GPR137B: variants seen among roughly 807,000 people sequenced by gnomAD.
GPR137B encodes G protein-coupled receptor 137B, also known as integral membrane protein GPR137B.
In GPR137B, 42 loss-of-function variants were observed where a neutral mutation model predicts 42.5. That is an observed-to-expected ratio of 0.99 (90% CI 0.77 to 1.28). GPR137B has a LOEUF of 1.28. Ranked by LOEUF, GPR137B falls within the 50% of genes most tolerant of loss-of-function variation. GPR137B has a pLI of 0.00. For synonymous variants in GPR137B, 218 were observed against 209.7 expected (o/e 1.04, Z -0.34); for missense variants, 487 against 493.9 (o/e 0.99, Z 0.13).
chr1:236,180,931 T>A (rs1028342543), intron 4 of GPR137B, among the ~76,000 whole-genome samples: 6 of 152,230 alleles, frequency 3.9e-5, no homozygotes, highest in African/African-American at 1.2e-4. Context: ...TTAATTTTTT[T>A]AACATGCTTC....
Position 236,155,074 on chromosome 1 carries a change from G to T in GPR137B, c.414+12038G>T, listed in dbSNP as rs923845892. 3.3e-5 allele frequency among the ~76,000 whole-genome samples: 5 copies of T among 152,234 alleles called. No homozygotes were observed. Among genetic ancestry groups the T allele is most frequent in the Non-Finnish European group, 7.3e-5 (5 of 68,046 alleles). The stretch of plus-strand genomic sequence containing the variant: ...CCCAAGGCCAAAGAGAGAGAATCCT[G>T]CCAGGGAGGCAGGTCAGAATTATTT... On this transcript the variant is annotated intron_variant, in intron 1 of 6. Coordinates refer to ENST00000366592, the MANE Select transcript of GPR137B (RefSeq NM_003272.4). The surrounding 1 kb of genome is among the most constrained non-coding windows in gnomAD (Gnocchi z 4.6).
At chr1:236,203,993 A>G (rs1252663195) in intron 5 of GPR137B, among the ~76,000 whole-genome samples, 4 of 152,188 alleles carry the variant, frequency 2.6e-5, no homozygotes, top group African/African-American at 9.6e-5. Context: ...TGTGTTCCAC[A>G]TCTTAGAGGA....
chr1:236,207,721 A>T, intron 6 of GPR137B, among the ~76,000 whole-genome samples: 1 of 152,242 alleles, frequency 6.6e-6, no homozygotes, highest in African/African-American at 2.4e-5. Flanking sequence ...ACTTGTCCAA[A>T]GACACCACCA....
At chr1:236,167,536 G>A (rs1469679764) in intron 1 of GPR137B, among the ~76,000 whole-genome samples, 1 of 152,172 alleles carries the variant, frequency 6.6e-6, no homozygotes, top group African/African-American at 2.4e-5. Flanking sequence ...GCAGGAGAAT[G>A]GAGAGATGTT....
rs76979168 is a variant in GPR137B, at chr1:236,161,540, C to T, written c.415-7166C>T. ...TTCTCACGCCTCCCACATCTCCACA[C>T]GCTTTTCACACCTCCTGTTATGGTT... On this transcript the variant is annotated intron_variant, in intron 1 of 6. Coordinates refer to ENST00000366592, the MANE Select transcript of GPR137B (RefSeq NM_003272.4). Among the ~76,000 whole-genome samples, 175 of 152,328 alleles carry T rather than the reference C, an allele frequency of 1.1e-3. 2 individuals are homozygous for T. Among genetic ancestry groups the T allele is most frequent in the African/African-American group, 3.5e-3 (146 of 41,566 alleles).
At chr1:236,200,206 TGA>T (rs1663453753) in intron 5 of GPR137B, among the ~76,000 whole-genome samples, 1 of 152,062 alleles carries the variant, frequency 6.6e-6, no homozygotes, top group African/African-American at 2.4e-5. Flanking sequence ...CACTGTGGTC[TGA>T]GAGAGTACTT....
intron 5 of GPR137B, among the ~76,000 whole-genome samples, chr1:236,189,830 G>A (rs766960885): frequency 3.3e-5 from 5 of 152,114 alleles, no homozygotes; most frequent in South Asian, 4.1e-4. Context: ...TGCTAGGTCC[G>A]CTTGGTCTAG....
At chr1:236,207,420 T>C (rs949172575) in intron 6 of GPR137B, 42 of 291,822 alleles carry the variant, frequency 1.4e-4, no homozygotes, top group African/African-American at 9.1e-4. Context: ...TATTAGTTGC[T>C]TTCCCCTTTA....
intron 2 of GPR137B, among the ~76,000 whole-genome samples, chr1:236,174,105 T>A (rs547255400): frequency 6.6e-6 from 1 of 152,334 alleles, no homozygotes; most frequent in East Asian, 1.9e-4. Context: ...AAGACAAAGT[T>A]GATGTCTATA....
intron 4 of GPR137B, among the ~76,000 whole-genome samples, chr1:236,183,464 G>A (rs1396708694): frequency 6.6e-6 from 1 of 152,132 alleles, no homozygotes; most frequent in Non-Finnish European, 1.5e-5. Flanking sequence ...TCAGAGGTTA[G>A]AAGTTTCTGT....
At chr1:236,185,537 A>T (rs537637514) in intron 5 of GPR137B, among the ~76,000 whole-genome samples, 9 of 152,236 alleles carry the variant, frequency 5.9e-5, no homozygotes, top group African/African-American at 1.9e-4. Flanking sequence ...ATGAACTGTA[A>T]AGTTTGAGAA....
At chr1:236,166,354 C>A (rs1662352287) in intron 1 of GPR137B, among the ~76,000 whole-genome samples, 2 of 151,268 alleles carry the variant, frequency 1.3e-5, no homozygotes, top group East Asian at 3.9e-4. Context: ...TGCCTAAAAT[C>A]CCGTGGTGGG....
chr1:236,176,497 C>T lies in GPR137B; in HGVS notation c.465-1917C>T, dbSNP rs534430743. On this transcript the variant is annotated intron_variant, in intron 2 of 6. Transcript: ENST00000366592. Reference sequence around the variant, plus strand: ...CTGCCCCCTGAGCTGCTTGGGGGCCCGGGCTGCCTCATCTTCATCCCACTC... The same window carrying T: ...CTGCCCCCTGAGCTGCTTGGGGGCCTGGGCTGCCTCATCTTCATCCCACTC... 5.3e-5 allele frequency among the ~76,000 whole-genome samples: 8 copies of T among 152,180 alleles called. No individual in the cohort carries two copies. In the East Asian group the frequency reaches 1.2e-3, roughly 22 times the overall value.
Position 236,142,904 on chromosome 1 carries a change from C to T in GPR137B, c.282C>T (p.Val94=), listed in dbSNP as rs1445382685. Residue 94 remains valine (V), a synonymous_variant, in exon 1 of 7, where the codon GTC becomes GTT. Transcript: ENST00000366592. ...TCTTCTGGGCCTCCCTGCGGACCGTCCTCTTCTCCTTCTACTTCAAAGACT... is the reference window on the plus strand; with the variant it reads ...TCTTCTGGGCCTCCCTGCGGACCGTTCTCTTCTCCTTCTACTTCAAAGACT... The part of the protein sequence containing the change: ...LCLFWASLRT[V]LFSFYFKDFV... 4.3e-6 allele frequency: 7 copies of T among 1,614,132 alleles called. No homozygotes were observed. In the Admixed American group the frequency reaches 5.0e-5, roughly 12 times the overall value.
Position 236,150,768 on chromosome 1 carries a change from G to C in GPR137B, c.414+7732G>C, listed in dbSNP as rs1163906155. Reference sequence around the variant, plus strand: ...CTGCCTTTCCGTAGTCAGACAGGCAGAACTGGTAGTGACCAGCAGGGAGGC... The same window carrying C: ...CTGCCTTTCCGTAGTCAGACAGGCACAACTGGTAGTGACCAGCAGGGAGGC... On this transcript the variant is annotated intron_variant, in intron 1 of 6. Transcript: ENST00000366592. This position sits in a 1 kb window ranked among gnomAD's most constrained non-coding sequence, Gnocchi z 6.2. 6.6e-6 allele frequency among the ~76,000 whole-genome samples: 1 copy of C among 152,178 alleles called. No individual in the cohort carries two copies. Among genetic ancestry groups the C allele is most frequent in the African/African-American group, 2.4e-5 (1 of 41,438 alleles).
At chr1:236,174,747 T>G (rs1199039668) in intron 2 of GPR137B, among the ~76,000 whole-genome samples, 2 of 152,016 alleles carry the variant, frequency 1.3e-5, no homozygotes, top group African/African-American at 4.8e-5. Context: ...CTCAGGAGGC[T>G]GAAGTGGGAG....
chr1:236,174,446 A>G (rs1662628243), intron 2 of GPR137B, among the ~76,000 whole-genome samples: 1 of 152,152 alleles, frequency 6.6e-6, no homozygotes, highest in Non-Finnish European at 1.5e-5. Context: ...GGGTTCTGGA[A>G]GATGCGGGGT....
intron 1 of GPR137B, among the ~76,000 whole-genome samples, chr1:236,143,913 ATCG>A (rs1203499981): frequency 6.6e-6 from 1 of 152,174 alleles, no homozygotes; most frequent in Admixed American, 6.5e-5. Flanking sequence ...CGCCGTCATC[ATCG>A]TCATCATCAT....
At chr1:236,164,197 A>G (rs900060001) in intron 1 of GPR137B, among the ~76,000 whole-genome samples, 1 of 152,136 alleles carries the variant, frequency 6.6e-6, no homozygotes, top group African/African-American at 2.4e-5. Flanking sequence ...CTTGGGTCCA[A>G]CCCAGGGTCT....
Sources: gnomAD v4.1 joint callset for allele counts (sites outside exome capture counted in the v4.1 genomes callset) on GRCh38, gnomAD v4.1.1 for gene constraint, Gnocchi (gnomAD v3.1) non-coding constraint, MANE v1.5 for transcripts, NCBI Gene and HGNC (gene_info 2026-07-23, HGNC 2026-07-21) for gene names.